CCND3: variants seen among roughly 807,000 people sequenced by gnomAD.
CCND3 encodes the protein cyclin D3, also known as G1/S-specific cyclin-D3.
In CCND3, 9 loss-of-function variants were observed where a neutral mutation model predicts 28.7. The ratio of observed to expected loss-of-function variants is 0.31; its 90% CI spans 0.19 to 0.55. The LOEUF is 0.55. Among genes scored for constraint, CCND3 ranks in the 20% least tolerant of loss-of-function variants. The pLI is 0.93. For synonymous variants in CCND3, 164 were observed against 163.9 expected (o/e 1.00, Z 0.00); for missense variants, 315 against 385.8 (o/e 0.82, Z 1.54).
intron 1 of CCND3, among the ~76,000 whole-genome samples, chr6:41,995,563 T>C (rs532136137): frequency 3.9e-5 from 6 of 152,252 alleles, no homozygotes; most frequent in African/African-American, 1.4e-4. Context: ...CCCAAAGTAT[T>C]TCTAATAAAC....
chr6:41,979,098 G>T (rs571801644), intron 1 of CCND3, among the ~76,000 whole-genome samples: 41 of 141,758 alleles, frequency 2.9e-4, no homozygotes, highest in Admixed American at 2.3e-3. Flanking sequence ...TTGAACCCAG[G>T]AGTCGGAGGT....
At position 41,939,133 on chromosome 6, in the gene CCND3, A is replaced by G. The variant is rs1775906060; in HGVS notation, c.414+1237T>C. On this transcript the variant is annotated intron_variant, in intron 2 of 4. Transcript: ENST00000372991. This position sits in a 1 kb window ranked among gnomAD's most constrained non-coding sequence, Gnocchi z 4.2. Reference sequence around the variant, plus strand: ...GCCAAAAACTACCAGATTCATCACAAAGAGCTGTGGCGCCTCCTGGATTCC... The same window carrying G: ...GCCAAAAACTACCAGATTCATCACAGAGAGCTGTGGCGCCTCCTGGATTCC... 6.6e-6 allele frequency among the ~76,000 whole-genome samples: 1 copy of G among 152,084 alleles called. No individual in the cohort carries two copies. Among genetic ancestry groups the G allele is most frequent in the Non-Finnish European group, 1.5e-5 (1 of 68,006 alleles).
At chr6:41,943,178 T>C (rs1490899534), upstream of CCND3, among the ~76,000 whole-genome samples, 2 of 152,188 alleles carry the variant, frequency 1.3e-5, no homozygotes, top group Non-Finnish European at 2.9e-5. Flanking sequence ...TTCTTTCTTA[T>C]ATTATAAATT....
upstream of CCND3, among the ~76,000 whole-genome samples, chr6:41,945,446 A>G (rs1420265304): frequency 6.6e-6 from 1 of 152,208 alleles, no homozygotes; most frequent in Non-Finnish European, 1.5e-5. Flanking sequence ...CCCTGGAGCC[A>G]GAGGCTGCAG....
In CCND3 at chr6:42,048,835, A is replaced by G; in HGVS notation, c.-380T>C. On this transcript the variant is annotated 5_prime_UTR_variant, in exon 1 of 5. Transcript: ENST00000372988. This position sits in a 1 kb window ranked among gnomAD's most constrained non-coding sequence, Gnocchi z 4.7. ...CCCCCTGTACACCCTCGGCGAGGCC[A>G]GGAGGCTCATCCGGCGCCGCGCACC... is the stretch of plus-strand genomic sequence containing the variant. 2.9e-6 allele frequency: 1 copy of G among 342,700 alleles called. No individual in the cohort carries two copies. The highest frequency in any genetic ancestry group is 4.8e-5 in the Admixed American group (1 of 20,960). The allele number at this position is 342,700 out of a possible 1,614,324, so 21.2% of individuals were successfully genotyped here.
intron 1 of CCND3, among the ~76,000 whole-genome samples, chr6:41,980,175 G>T (rs988152103): frequency 1.3e-5 from 2 of 149,570 alleles, no homozygotes; most frequent in Non-Finnish European, 3.0e-5. Flanking sequence ...TTGTTCTGTT[G>T]CTCAGACTGG....
chr6:41,996,218 C>T (rs866234762), intron 1 of CCND3, among the ~76,000 whole-genome samples: 34 of 150,674 alleles, frequency 2.3e-4, no homozygotes, highest in African/African-American at 8.0e-4. Context: ...GGCATGATCT[C>T]GGCTCACTGC....
At chr6:42,044,999 T>C (rs1467481853) in intron 1 of CCND3, among the ~76,000 whole-genome samples, 1 of 145,904 alleles carries the variant, frequency 6.9e-6, no homozygotes, top group African/African-American at 2.6e-5. Context: ...AGAGATGAGG[T>C]TTCACCATGT....
At chr6:41,968,025 T>G (rs987506570) in intron 1 of CCND3, among the ~76,000 whole-genome samples, 1 of 152,216 alleles carries the variant, frequency 6.6e-6, no homozygotes, top group Non-Finnish European at 1.5e-5. Context: ...CTTTTCTGAA[T>G]GTAAACCATC....
At chr6:41,958,081 T>C (rs1356008805) in intron 1 of CCND3, among the ~76,000 whole-genome samples, 1 of 137,888 alleles carries the variant, frequency 7.3e-6, no homozygotes, top group African/African-American at 2.7e-5. Context: ...CACTGCAACC[T>C]CCACCTCCTG....
chr6:41,995,787 C>T (rs1020929737), intron 1 of CCND3, among the ~76,000 whole-genome samples: 2 of 152,030 alleles, frequency 1.3e-5, no homozygotes, highest in African/African-American at 4.8e-5. Flanking sequence ...GGCACAGTGG[C>T]TCACGCCTGC....
chr6:41,985,863 T>TTA (rs752195060), intron 1 of CCND3, among the ~76,000 whole-genome samples: 190 of 892 alleles, frequency 0.21, 58 homozygotes, highest in Middle Eastern at 1. Context: ...TCTCCTGACC[T>TTA]CGTGATCCGC....
intron 1 of CCND3, among the ~76,000 whole-genome samples, chr6:41,995,407 A>G (rs202150518): frequency 2.0e-5 from 3 of 151,954 alleles, no homozygotes; most frequent in Non-Finnish European, 4.4e-5. Context: ...ACAGGCACCC[A>G]CCACCACACC....
rs148536837 is a variant in CCND3 at position 41,959,255 on chromosome 6, G to A, written c.-45-18670C>T. On this transcript the variant is annotated intron_variant, in intron 1 of 4. Coordinates refer to the CCND3 transcript ENST00000372988. ...CTCGAAACCAGGAGGCGGAGGTTGC[G>A]GTGAGCCGAGATTGCCTCATTGCAC... Among the ~76,000 whole-genome samples, 758 of 151,718 alleles carry A rather than the reference G, an allele frequency of 5.0e-3. 6 individuals carry two copies. Among genetic ancestry groups the A allele is most frequent in the African/African-American group, 0.017 (703 of 41,334 alleles).
intron 1 of CCND3, among the ~76,000 whole-genome samples, chr6:41,954,334 C>T (rs929503193): frequency 9.2e-5 from 13 of 140,924 alleles, no homozygotes; most frequent in Non-Finnish European, 1.8e-4. Context: ...AGGCGAATCA[C>T]GAGGTCAGGA....
intron 1 of CCND3, among the ~76,000 whole-genome samples, chr6:42,043,510 G>A (rs181770869): frequency 2.9e-4 from 44 of 152,270 alleles, no homozygotes; most frequent in Non-Finnish European, 2.6e-4. Context: ...CAGCCGGGGC[G>A]ACAGAGTGAG....
At chr6:41,985,299 C>G (rs1762453722) in intron 1 of CCND3, among the ~76,000 whole-genome samples, 1 of 126,134 alleles carries the variant, frequency 7.9e-6, no homozygotes, top group Non-Finnish European at 1.6e-5. Context: ...GGTCTCAGTT[C>G]AAGTCTTTTT....
intron 1 of CCND3, among the ~76,000 whole-genome samples, chr6:41,965,258 C>CG (rs1271667087): frequency 6.6e-6 from 1 of 151,810 alleles, no homozygotes; most frequent in African/African-American, 2.4e-5. Flanking sequence ...TTAGTAGAGA[C>CG]GGGGTTTCAC....
intron 1 of CCND3, among the ~76,000 whole-genome samples, chr6:41,973,897 T>C (rs1037615655): frequency 1.3e-5 from 2 of 152,130 alleles, no homozygotes; most frequent in Non-Finnish European, 2.9e-5. Flanking sequence ...AAACAGTGCC[T>C]AGTGGGCGGG....
Sources: gnomAD v4.1 joint callset for allele counts (sites outside exome capture counted in the v4.1 genomes callset) on GRCh38, gnomAD v4.1.1 for gene constraint, Gnocchi (gnomAD v3.1) non-coding constraint, MANE v1.5 for transcripts, NCBI Gene and HGNC (gene_info 2026-07-23, HGNC 2026-07-21) for gene names.